PARN: variants seen among roughly 807,000 people sequenced by gnomAD.
PARN encodes poly(A)-specific ribonuclease, also known as poly(A)-specific ribonuclease PARN.
PARN carries 71 observed loss-of-function variants against 102.8 expected under a neutral mutation model. The observed-to-expected ratio is 0.69, with a 90% CI of 0.57 to 0.84. The LOEUF (loss-of-function observed/expected upper bound fraction) is 0.84, where lower values mean the gene tolerates loss of function less well. Among genes scored for constraint, PARN ranks in the 40% least tolerant of loss-of-function variants. PARN has a pLI of 0.00. For synonymous variants in PARN, 261 were observed against 252.9 expected (o/e 1.03, Z -0.30); for missense variants, 782 against 760.9 (o/e 1.03, Z -0.33).
intron 22 of PARN, among the ~76,000 whole-genome samples, chr16:14,466,154 A>T (rs1962335005): frequency 6.6e-6 from 1 of 152,038 alleles, no homozygotes; most frequent in Non-Finnish European, 1.5e-5. Flanking sequence ...AATAAAAGTT[A>T]AAAAAAATGA....
chr16:14,606,409 G>T, intron 10 of PARN, 75 bp downstream of exon 10: 4 of 611,724 alleles, frequency 6.5e-6, no homozygotes, highest in Non-Finnish European at 1.0e-5. Context: ...AAAAAAAAAA[G>T]AAAAAAAAAA....
chr16:14,624,974 C>G (rs535648590), intron 5 of PARN, among the ~76,000 whole-genome samples: 1 of 151,880 alleles, frequency 6.6e-6, no homozygotes, highest in Non-Finnish European at 1.5e-5. Context: ...CACTTAAACC[C>G]GGGGCTTTAG....
intron 6 of PARN, among the ~76,000 whole-genome samples, chr16:14,614,093 T>TA (rs1971707129): frequency 6.6e-6 from 1 of 151,806 alleles, no homozygotes; most frequent in Non-Finnish European, 1.5e-5. Flanking sequence ...CCTGCCTCTA[T>TA]AAAAAACATA....
intron 21 of PARN, among the ~76,000 whole-genome samples, chr16:14,493,284 C>T (rs566302734): frequency 1.3e-5 from 2 of 152,150 alleles, no homozygotes; most frequent in African/African-American, 4.8e-5. Context: ...GGTGCAATCA[C>T]GGCTCACTGT....
At chr16:14,543,195 A>G (rs1387966893) in intron 21 of PARN, among the ~76,000 whole-genome samples, 1 of 152,212 alleles carries the variant, frequency 6.6e-6, no homozygotes, top group African/African-American at 2.4e-5. Flanking sequence ...TGAAAGAAAA[A>G]CCCAGAATTC....
At chr16:14,594,609 G>A (rs1225030021) in intron 12 of PARN, among the ~76,000 whole-genome samples, 2 of 152,064 alleles carry the variant, frequency 1.3e-5, no homozygotes, top group East Asian at 1.9e-4. Context: ...TCAGCAACTC[G>A]GGAGGCTGAG....
At chr16:14,620,664 T>C (rs1246849714) in intron 5 of PARN, among the ~76,000 whole-genome samples, 1 of 152,200 alleles carries the variant, frequency 6.6e-6, no homozygotes, top group Non-Finnish European at 1.5e-5. Context: ...ACTTCAGAGA[T>C]GTGATTGAAG....
chr16:14,452,799 A>G (rs1184351773), intron 22 of PARN, among the ~76,000 whole-genome samples: 1 of 152,254 alleles, frequency 6.6e-6, no homozygotes, highest in East Asian at 1.9e-4. Flanking sequence ...TATGTATGTA[A>G]GACCTGCCAT....
chr16:14,570,646 T>A, intron 18 of PARN, among the ~76,000 whole-genome samples: 1 of 136,562 alleles, frequency 7.3e-6, no homozygotes, highest in East Asian at 2.1e-4. Flanking sequence ...TGAGACTCCA[T>A]CTCAAAAAAA....
chr16:14,615,979 T>C (rs529649757), intron 6 of PARN, among the ~76,000 whole-genome samples: 12 of 152,048 alleles, frequency 7.9e-5, no homozygotes, highest in Non-Finnish European at 1.0e-4. Flanking sequence ...AATAGGAGAA[T>C]TCATTTGAAG....
chr16:14,523,346 G>A (rs971349229), intron 21 of PARN, among the ~76,000 whole-genome samples: 8 of 151,938 alleles, frequency 5.3e-5, no homozygotes, highest in Non-Finnish European at 7.4e-5. Context: ...AGATTGGGAC[G>A]TTTCTGACAA....
Position 14,504,796 on chromosome 16 carries a change from AT to A in PARN, c.1481-21970del, listed in dbSNP as rs1290761750. ...ATTGAGAAAAACTTAGAATAAAAAA[AT>A]CTTTGCCCTCCTAAGACAATTCGTT... On this transcript the variant is annotated intron_variant, in intron 21 of 23. Transcript: ENST00000437198. Among the ~76,000 whole-genome samples, 4 of 152,194 alleles carry A rather than the reference AT, an allele frequency of 2.6e-5. No individual in the cohort carries two copies. In the South Asian group the frequency reaches 8.3e-4, roughly 32 times the overall value.
chr16:14,486,632 C>T (rs915489845), intron 21 of PARN, among the ~76,000 whole-genome samples: 8 of 152,174 alleles, frequency 5.3e-5, no homozygotes, highest in Non-Finnish European at 7.3e-5. Flanking sequence ...AATAACAGTC[C>T]GCTTTTCACT....
chr16:14,498,110 G>A (rs1964412197), intron 21 of PARN, among the ~76,000 whole-genome samples: 2 of 129,326 alleles, frequency 1.5e-5, no homozygotes, highest in African/African-American at 2.9e-5. Flanking sequence ...GCAATAGAGA[G>A]AGACTCCATC....
intron 18 of PARN, among the ~76,000 whole-genome samples, chr16:14,560,681 T>A (rs1967999290): frequency 1.3e-5 from 2 of 152,190 alleles, no homozygotes; most frequent in Non-Finnish European, 2.9e-5. Context: ...GACTCCAGGG[T>A]AAAGCACAGC....
chr16:14,454,650 G>A (rs1345475609), intron 22 of PARN, among the ~76,000 whole-genome samples: 1 of 152,186 alleles, frequency 6.6e-6, no homozygotes, highest in Non-Finnish European at 1.5e-5. Flanking sequence ...TTTCAGTACT[G>A]TATGTAGACA....
intron 22 of PARN, among the ~76,000 whole-genome samples, chr16:14,463,838 T>TTGGGGG: frequency 1.1e-5 from 1 of 95,090 alleles, no homozygotes; most frequent in African/African-American, 4.1e-5. Flanking sequence ...CTTTTTTTTT[T>TTGGGGG]GGGGGGGGGG....
intron 22 of PARN, among the ~76,000 whole-genome samples, chr16:14,477,960 G>A (rs557760037): frequency 5.3e-5 from 8 of 152,116 alleles, no homozygotes; most frequent in African/African-American, 1.9e-4. Context: ...TAGCCAAGTG[G>A]GATTTCTTTT....
intron 23 of PARN, among the ~76,000 whole-genome samples, chr16:14,442,607 CTCTT>C (rs781587804): frequency 1.6e-4 from 23 of 142,170 alleles, no homozygotes; most frequent in African/African-American, 4.3e-4. Flanking sequence ...TCCCTCCTCT[CTCTT>C]TCTTTGTTTC....
Sources: allele counts gnomAD v4.1 joint callset (sites outside exome capture counted in the v4.1 genomes callset), GRCh38; gene constraint gnomAD v4.1.1; transcripts MANE v1.5; gene names NCBI Gene and HGNC (gene_info 2026-07-23, HGNC 2026-07-21).